IL12A: variants seen among roughly 807,000 people sequenced by gnomAD.
IL12A encodes the protein interleukin 12A.
IL12A carries 16 observed loss-of-function variants against 23.5 expected under a neutral mutation model. That is an observed-to-expected ratio of 0.68 (90% confidence interval 0.46 to 1.03). IL12A has a LOEUF of 1.03. Among genes scored for constraint, IL12A ranks in the 50% least tolerant of loss-of-function variants. The pLI is 0.00. For synonymous variants in IL12A, 106 were observed against 111.5 expected (o/e 0.95, Z 0.31); for missense variants, 275 against 307.0 (o/e 0.90, Z 0.78).
At chr3:159,992,986 C>T in intron 2 of IL12A, 26 bp from the exon 3 acceptor site, 1 of 1,378,332 alleles carries the variant, frequency 7.3e-7, no homozygotes, top group East Asian at 2.3e-5. Context: ...ATGTTATAAA[C>T]TGAGTTTCTC....
rs1720408919 is a variant in IL12A at position 159,993,995 on chromosome 3, C to CT, written c.606+152dup. On this transcript the variant is annotated intron_variant, in intron 6 of 6. Transcript: ENST00000305579. ...AAGAAGACAGCCTTGAGGGTGCCGTCTATAGGGAGCACAAATGTGAGCAGA... is the reference window on the plus strand; with the variant it reads ...AAGAAGACAGCCTTGAGGGTGCCGTCTTATAGGGAGCACAAATGTGAGCAGA... 6.9e-6 allele frequency: 5 copies of CT among 728,210 alleles called. No individual in the cohort carries two copies. In the East Asian group the frequency reaches 1.0e-4, roughly 15 times the overall value. 45.1% of individuals were successfully genotyped at this position (728,210 alleles called of 1,614,324 possible). A position where few individuals can be genotyped will look rare whatever the true frequency, so the allele number is the denominator to read the frequency against.
At position 159,993,805 on chromosome 3, in the gene IL12A, A is replaced by G. The variant is rs2230052; in HGVS notation, c.567A>G (p.Leu189=). Residue 189 remains leucine, a synonymous_variant, in exon 6 of 7, where the codon CTA becomes CTG. Transcript: ENST00000305579. ...TGGATCCTAAGAGGCAGATCTTTCT[A>G]GATCAAAACATGCTGGCAGTTATTG... is the stretch of plus-strand genomic sequence containing the variant. 1,007 of 1,614,202 alleles carry G rather than the reference A, an allele frequency of 6.2e-4. 3 individuals carry two copies. In the African/African-American group the frequency reaches 0.011, roughly 18 times the overall value.
intron 2 of IL12A, among the ~76,000 whole-genome samples, chr3:159,991,496 C>T (rs1720310034): frequency 6.6e-6 from 1 of 152,212 alleles, no homozygotes; most frequent in Non-Finnish European, 1.5e-5. Context: ...TGAAGAACAA[C>T]ACTGGACTCA....
chr3:159,994,935 C>T lies in IL12A; in HGVS notation c.607-469C>T, dbSNP rs1318879851. On this transcript the variant is annotated intron_variant, in intron 6 of 6. Transcript: ENST00000305579. ...TATATTCTGTTATCAAATCAAAGTG[C>T]TAAACTTGGGAAATTCATTGCCAGG... 2.6e-5 allele frequency among the ~76,000 whole-genome samples: 4 copies of T among 152,134 alleles called. No homozygotes were observed. In the East Asian group the frequency reaches 7.7e-4, roughly 29 times the overall value.
chr3:159,988,989 G>A lies in IL12A; in HGVS notation c.-68G>A. 2 of 1,260,022 alleles carry A rather than the reference G, an allele frequency of 1.6e-6. No homozygotes were observed. Among genetic ancestry groups the A allele is most frequent in the Non-Finnish European group, 1.2e-6 (1 of 858,266 alleles). 78.1% of individuals were successfully genotyped at this position (1,260,022 alleles called of 1,614,324 possible). ...AGAAGCTGATGTAGAGAGAGACACA[G>A]AAGGAGACAGAAAGCAAGAGACCAG... On this transcript the variant is annotated 5_prime_UTR_variant, in exon 1 of 7. Transcript: ENST00000305579.
rs1279758578 is a variant in IL12A, at chr3:159,993,141, C to G, written c.378+16C>G. ...ATTAACCAAGGTATAAAGGATTTTC[C>G]TCCCAGAGCATGCAGTGTGGTTAAA... is the stretch of plus-strand genomic sequence containing the variant. On this transcript the variant is annotated intron_variant, in intron 3 of 6. Coordinates refer to ENST00000305579, the MANE Select transcript of IL12A (RefSeq NM_000882.4). The G allele has an allele frequency of 9.6e-6, 13 of 1,355,780 alleles. No individual in the cohort carries two copies. The highest frequency in any genetic ancestry group is 1.3e-5 in the Non-Finnish European group (12 of 948,750). The allele number at this position is 1,355,780 out of a possible 1,614,324, so 84.0% of individuals were successfully genotyped here. A position where few individuals can be genotyped will look rare whatever the true frequency, so the allele number is the denominator to read the frequency against.
chr3:159,991,033 A>G (rs1280850316), intron 2 of IL12A, among the ~76,000 whole-genome samples: 2 of 152,178 alleles, frequency 1.3e-5, no homozygotes. Flanking sequence ...AATATCTTAA[A>G]ATAAGCTCAA....
Position 159,989,062 on chromosome 3 carries a change from G to A in IL12A, c.6G>A (p.Trp2Ter), listed in dbSNP as rs1720201741. The change falls in exon 1 of 7, where the codon TGG becomes TGA. Residue 2 changes from tryptophan (W) to a stop codon, truncating the protein, a stop_gained. An upstream open reading frame in the 5' UTR gains an earlier in-frame stop. Coordinates refer to ENST00000305579, the MANE Select transcript of IL12A (RefSeq NM_000882.4). LOFTEE classifies it high-confidence loss of function. ...GCCTCGGGACAATTATAAAAATGTG[G>A]CCCCCTGGGTCAGCCTCCCAGCCAC... The A allele has an allele frequency of 5.0e-6, 8 of 1,613,030 alleles. No homozygotes were observed. Among genetic ancestry groups the A allele is most frequent in the South Asian group, 1.1e-5 (1 of 91,022 alleles).
Position 159,990,156 on chromosome 3 carries a change from C to T in IL12A, c.119-11C>T, listed in dbSNP as rs374303113. 1.9e-6 allele frequency: 3 copies of T among 1,613,768 alleles called. No individual in the cohort carries two copies. The highest frequency in any genetic ancestry group is 8.5e-7 in the Non-Finnish European group (1 of 1,179,786). Reference sequence around the variant, plus strand: ...GGCTGAAGCTCCTCCACCTGCTCCTCTTCCTTCCAGGCCTCCTCCTTGTGG... The same window carrying T: ...GGCTGAAGCTCCTCCACCTGCTCCTTTTCCTTCCAGGCCTCCTCCTTGTGG... On this transcript the variant is annotated splice_polypyrimidine_tract_variant and intron_variant, in intron 1 of 6. Transcript: ENST00000305579.
chr3:159,993,091 C>A lies in IL12A; in HGVS notation c.344C>A (p.Thr115Lys). Residue 115 changes from threonine to lysine, a missense_variant, in exon 3 of 7, where the codon ACA (threonine) becomes AAA (lysine). Transcript: ENST00000305579. Reference sequence around the variant, plus strand: ...GATATCACAAAAGATAAAACCAGCACAGTGGAGGCCTGTTTACCATTGGAA... The same window carrying A: ...GATATCACAAAAGATAAAACCAGCAAAGTGGAGGCCTGTTTACCATTGGAA... The A allele has an allele frequency of 6.3e-7, 1 of 1,599,968 alleles. No individual in the cohort carries two copies. The highest frequency in any genetic ancestry group is 8.6e-7 in the Non-Finnish European group (1 of 1,167,132).
intron 6 of IL12A, among the ~76,000 whole-genome samples, chr3:159,994,543 TTGTC>T (rs1468582077): frequency 6.6e-6 from 1 of 151,732 alleles, no homozygotes; most frequent in Non-Finnish European, 1.5e-5. Context: ...GCAGAAATCA[TTGTC>T]TGAAAAGTAA....
chr3:159,994,514 A>C (rs1173265806), intron 6 of IL12A, among the ~76,000 whole-genome samples: 1 of 152,024 alleles, frequency 6.6e-6, no homozygotes, highest in Non-Finnish European at 1.5e-5. Flanking sequence ...TGACGAGGAC[A>C]TGGGATAAAA....
At position 159,995,917 on chromosome 3, in the gene IL12A, G is replaced by A. The variant is rs1720490218; in HGVS notation, c.*358G>A. On this transcript the variant is annotated 3_prime_UTR_variant, in exon 7 of 7. Transcript: ENST00000305579. Reference sequence around the variant, plus strand: ...ACTTGGTAATCATGAAAGCATCTGAGCTAACTTATATTTATTTATGTTATA... The same window carrying A: ...ACTTGGTAATCATGAAAGCATCTGAACTAACTTATATTTATTTATGTTATA... 1 of 154,032 alleles carries A rather than the reference G, an allele frequency of 6.5e-6. No homozygotes were observed. Among genetic ancestry groups the A allele is most frequent in the South Asian group, 2.1e-4 (1 of 4,836 alleles). The allele number at this position is 154,032 out of a possible 1,614,324, so 9.5% of individuals were successfully genotyped here. A position where few individuals can be genotyped will look rare whatever the true frequency, so the allele number is the denominator to read the frequency against.
rs1054337022 is a variant in IL12A, at chr3:159,992,758, A to G, written c.265-254A>G. Among the ~76,000 whole-genome samples, 4 of 152,356 alleles carry G rather than the reference A, an allele frequency of 2.6e-5. No homozygotes were observed. The East Asian group carries it at 5.8e-4, about 22-fold the overall frequency. On this transcript the variant is annotated intron_variant, in intron 2 of 6. Transcript: ENST00000305579. Reference sequence around the variant, plus strand: ...TTAGCACAGGCTGTTGACATGATTTATTGTGTTTACATAATGAAAAAATAT... The same window carrying G: ...TTAGCACAGGCTGTTGACATGATTTGTTGTGTTTACATAATGAAAAAATAT...
chr3:159,990,491 T>C (rs1720265100), intron 2 of IL12A, among the ~76,000 whole-genome samples, 179 bp downstream of exon 2: 1 of 152,198 alleles, frequency 6.6e-6, no homozygotes, highest in Non-Finnish European at 1.5e-5. Flanking sequence ...CCTAGTGAAA[T>C]TGTGTCTCCA....
At chr3:159,993,208 T>G in intron 3 of IL12A, 83 bp downstream of exon 3, 1 of 819,922 alleles carries the variant, frequency 1.2e-6, no homozygotes, top group East Asian at 2.5e-5. Flanking sequence ...AATTCACGTT[T>G]CTGGTATCCA....
chr3:159,993,480 C>T lies in IL12A; in HGVS notation c.408C>T (p.Thr136=). 1 of 1,612,954 alleles carries T rather than the reference C, an allele frequency of 6.2e-7. No individual in the cohort carries two copies. The highest frequency in any genetic ancestry group is 8.5e-7 in the Non-Finnish European group (1 of 1,179,062). ...AGAGTTGCCTAAATTCCAGAGAGAC[C>T]TCTTTCATAACTGTAAGTCAAAAAA... The change falls in exon 4 of 7, where the codon ACC becomes ACT. Residue 136 remains threonine (T), a synonymous_variant. Transcript: ENST00000305579.
At chr3:159,994,618 G>A (rs1228707698) in intron 6 of IL12A, among the ~76,000 whole-genome samples, 2 of 149,466 alleles carry the variant, frequency 1.3e-5, no homozygotes, top group African/African-American at 4.9e-5. Flanking sequence ...GTGTGTGTGT[G>A]CATGTGCCAG....
At chr3:159,992,382 G>A (rs1037057884) in intron 2 of IL12A, among the ~76,000 whole-genome samples, 1 of 152,108 alleles carries the variant, frequency 6.6e-6, no homozygotes. Context: ...CATGTTCTTA[G>A]TACCTAATGG....
Sources: allele counts gnomAD v4.1 joint callset (sites outside exome capture counted in the v4.1 genomes callset), GRCh38; gene constraint gnomAD v4.1.1; transcripts MANE v1.5; gene names NCBI Gene and HGNC (gene_info 2026-07-23, HGNC 2026-07-21).